BRINP2: variants seen among roughly 807,000 people sequenced by gnomAD.
BRINP2 encodes BMP/retinoic acid-inducible neural-specific protein 2.
Under a neutral mutation model 69.2 loss-of-function variants are expected in BRINP2, and 21 were observed. That is an observed-to-expected ratio of 0.30 (90% CI 0.22 to 0.44). The LOEUF (loss-of-function observed/expected upper bound fraction) is 0.44. Among genes scored for constraint, BRINP2 ranks in the 20% least tolerant of loss-of-function variants. The probability of loss-of-function intolerance (pLI) is 1.00; values close to 1 mark genes in which losing one functional copy is unlikely to be tolerated. For missense variants in BRINP2, 877 were observed against 986.0 expected (o/e 0.89, Z 1.48); for synonymous variants, 380 against 394.1 (o/e 0.96, Z 0.42).
chr1:177,268,821 G>A (rs1393736164), intron 4 of BRINP2, among the ~76,000 whole-genome samples: 2 of 152,122 alleles, frequency 1.3e-5, no homozygotes, highest in African/African-American at 2.4e-5. Context: ...GAGAGGTGAA[G>A]GCAGACTTAC....
intron 1 of BRINP2, among the ~76,000 whole-genome samples, chr1:177,212,268 A>G (rs1396918269): frequency 1.3e-5 from 2 of 152,188 alleles, no homozygotes; most frequent in Non-Finnish European, 1.5e-5. Context: ...CATTTAGGCC[A>G]GGCGCGGTGG....
At chr1:177,202,548 T>C (rs1173165243) in intron 1 of BRINP2, among the ~76,000 whole-genome samples, 1 of 152,228 alleles carries the variant, frequency 6.6e-6, no homozygotes, top group Non-Finnish European at 1.5e-5. Context: ...CTAGTTTGAT[T>C]GCACTGTGGT....
At chr1:177,173,422 C>T (rs1241323907) in intron 1 of BRINP2, among the ~76,000 whole-genome samples, 3 of 152,230 alleles carry the variant, frequency 2.0e-5, no homozygotes, top group African/African-American at 4.8e-5. Context: ...TGGGCTGCAG[C>T]CATGGAGAAG....
At chr1:177,198,677 G>GTTTTCT (rs1448356993) in intron 1 of BRINP2, among the ~76,000 whole-genome samples, 1 of 152,170 alleles carries the variant, frequency 6.6e-6, no homozygotes, top group Non-Finnish European at 1.5e-5. Flanking sequence ...TGAGGAAGCT[G>GTTTTCT]TTTCTTCATC....
intron 1 of BRINP2, among the ~76,000 whole-genome samples, chr1:177,213,889 T>C (rs564028881): frequency 2.2e-4 from 33 of 152,338 alleles, no homozygotes; most frequent in African/African-American, 7.9e-4. Context: ...TGAGTAGATA[T>C]TTTTTTAACT....
chr1:177,209,758 A>C (rs1298630861), intron 1 of BRINP2, among the ~76,000 whole-genome samples: 1 of 150,132 alleles, frequency 6.7e-6, no homozygotes, highest in Admixed American at 6.6e-5. Flanking sequence ...TATAGATAAC[A>C]AAAAAAAAGA....
intron 1 of BRINP2, among the ~76,000 whole-genome samples, chr1:177,205,431 A>C (rs1571897396): frequency 6.6e-6 from 1 of 152,332 alleles, no homozygotes; most frequent in East Asian, 1.9e-4. Context: ...GCCGTGAGCC[A>C]CTGTGCCTGG....
At chr1:177,197,056 A>T (rs1007185456) in intron 1 of BRINP2, among the ~76,000 whole-genome samples, 2 of 152,138 alleles carry the variant, frequency 1.3e-5, no homozygotes, top group Non-Finnish European at 2.9e-5. Context: ...GCCCCGTATT[A>T]GTCCATTCTC....
intron 1 of BRINP2, among the ~76,000 whole-genome samples, chr1:177,206,744 C>T (rs1649080278): frequency 6.6e-6 from 1 of 152,090 alleles, no homozygotes; most frequent in South Asian, 2.1e-4. Flanking sequence ...AGGACATGTG[C>T]TGACTTATGG....
chr1:177,217,058 C>T lies in BRINP2; in HGVS notation c.-76-12743C>T, dbSNP rs551069546. On this transcript the variant is annotated intron_variant, in intron 1 of 7. Coordinates refer to ENST00000361539, the MANE Select transcript of BRINP2 (RefSeq NM_021165.4). ...GTTGGCTTCTTTTCTTGATTAGAGA[C>T]GTTTTCATCCATTATTTCTTTAAAT... 1.4e-4 allele frequency among the ~76,000 whole-genome samples: 21 copies of T among 151,914 alleles called. No individual in the cohort carries two copies. In the South Asian group the frequency reaches 1.7e-3, roughly 12 times the overall value.
At chr1:177,198,927 G>T (rs1295425790) in intron 1 of BRINP2, among the ~76,000 whole-genome samples, 2 of 152,072 alleles carry the variant, frequency 1.3e-5, no homozygotes, top group Non-Finnish European at 2.9e-5. Context: ...CATATCTGAT[G>T]TCTCCCTTCC....
chr1:177,276,495 A>C lies in BRINP2; in HGVS notation c.1012+61A>C. Reference sequence around the variant, plus strand: ...TGGCTGTGAGGTACAGAGCAAGAACATGGGGAGAACAAAACTTGAGAGTTG... The same window carrying C: ...TGGCTGTGAGGTACAGAGCAAGAACCTGGGGAGAACAAAACTTGAGAGTTG... On this transcript the variant is annotated intron_variant, in intron 6 of 7. Coordinates refer to ENST00000361539, the MANE Select transcript of BRINP2 (RefSeq NM_021165.4). 2.0e-6 allele frequency: 3 copies of C among 1,483,936 alleles called. No individual in the cohort carries two copies. The South Asian group carries it at 3.5e-5, about 17-fold the overall frequency. 91.9% of individuals were successfully genotyped at this position (1,483,936 alleles called of 1,614,324 possible).
At chr1:177,272,630 G>C (rs1245362296) in intron 4 of BRINP2, among the ~76,000 whole-genome samples, 1 of 152,218 alleles carries the variant, frequency 6.6e-6, no homozygotes, top group Non-Finnish European at 1.5e-5. Flanking sequence ...TATCAGAGTG[G>C]GCTTCACGAT....
chr1:177,180,905 T>C (rs1316482520), intron 1 of BRINP2, among the ~76,000 whole-genome samples: 2 of 152,174 alleles, frequency 1.3e-5, no homozygotes, highest in Non-Finnish European at 1.5e-5. Flanking sequence ...GGACCAATCA[T>C]TGTTGTTCTC....
At chr1:177,223,052 C>G (rs1283226101) in intron 1 of BRINP2, among the ~76,000 whole-genome samples, 1 of 152,156 alleles carries the variant, frequency 6.6e-6, no homozygotes, top group Non-Finnish European at 1.5e-5. Flanking sequence ...TAGTGATCCC[C>G]CTGACTGGAA....
rs771911333 is a variant in BRINP2, at chr1:177,257,336, C to A, written c.621C>A (p.Ser207Arg). 3.1e-5 allele frequency: 50 copies of A among 1,613,840 alleles called. No homozygotes were observed. In the South Asian group the frequency reaches 5.2e-4, roughly 17 times the overall value. The change falls in exon 4 of 8, where the codon AGC (serine) becomes AGA (arginine). Residue 207 changes from serine to arginine, a missense_variant. Ser to Arg is a moderately radical substitution (Grantham distance 110). Around this residue, in one of 3 missense-constraint regions of BRINP2, gnomAD observed 566 missense variants for 625.2 expected, o/e 0.91. Transcript: ENST00000361539. ...CCTCCTACTTCATCGACAGAGAGAG[C>A]ACGCTGCGACGGCTGCACCATATCC... ...LAASYFIDRE[S>R]TLRRLHHIQI...
chr1:177,209,260 T>C (rs183158586), intron 1 of BRINP2, among the ~76,000 whole-genome samples: 1 of 152,100 alleles, frequency 6.6e-6, no homozygotes, highest in Non-Finnish European at 1.5e-5. Flanking sequence ...CCATCTTTAA[T>C]TGAAACTTCA....
In BRINP2 at chr1:177,255,775, C is replaced by A. The variant is rs113436772; in HGVS notation, c.270-144C>A. 3 of 821,484 alleles carry A rather than the reference C, an allele frequency of 3.7e-6. No individual in the cohort carries two copies. In the Admixed American group the frequency reaches 8.6e-5, roughly 23 times the overall value. 50.9% of individuals were successfully genotyped at this position (821,484 alleles called of 1,614,324 possible). On this transcript the variant is annotated intron_variant, in intron 2 of 7. Coordinates refer to ENST00000361539, the MANE Select transcript of BRINP2 (RefSeq NM_021165.4). The stretch of plus-strand genomic sequence containing the variant: ...GAGAGGCCAAGGGGCCTCTTCCAGG[C>A]TCTGGGCACCTCCAGCTGAGGGGAT...
chr1:177,250,314 A>C (rs1650539825), intron 2 of BRINP2, among the ~76,000 whole-genome samples: 1 of 122,872 alleles, frequency 8.1e-6, no homozygotes, highest in African/African-American at 2.8e-5. Context: ...ACTTGTGTGC[A>C]TTCTTTGTTT....
Sources: gnomAD v4.1 joint callset for allele counts (sites outside exome capture counted in the v4.1 genomes callset) on GRCh38, gnomAD v4.1.1 for gene constraint, gnomAD v4.1.1 regional missense constraint, MANE v1.5 for transcripts, NCBI Gene and HGNC (gene_info 2026-07-23, HGNC 2026-07-21) for gene names.